The following ANKMY1 variants were observed in gnomAD, a reference collection of about 807,000 sequenced individuals.
ANKMY1 encodes ankyrin repeat and MYND domain containing 1.
ANKMY1 carries 98 observed loss-of-function variants against 102.0 expected under a neutral mutation model. That is an observed-to-expected ratio of 0.96 (90% CI 0.82 to 1.14). The LOEUF (loss-of-function observed/expected upper bound fraction) is 1.14, where lower values mean the gene tolerates loss of function less well. ANKMY1 is among the 50% of genes most tolerant of loss of function. The probability of loss-of-function intolerance (pLI) is 0.00; values close to 1 mark genes in which losing one functional copy is unlikely to be tolerated. For missense variants in ANKMY1, 1,330 were observed against 1,347.6 expected, an observed-to-expected ratio of 0.99 and a Z score of 0.20; for synonymous variants, 582 against 559.9, an observed-to-expected ratio of 1.04 and a Z score of -0.56.
intron 15 of ANKMY1, among the ~76,000 whole-genome samples, chr2:240,496,967 G>A (rs369508312): frequency 6.6e-6 from 1 of 152,186 alleles, no homozygotes; most frequent in Non-Finnish European, 1.5e-5. Context: ...GTATATAATT[G>A]CTGGCAGATT....
chr2:240,517,611 A>G (rs992276651), intron 9 of ANKMY1, among the ~76,000 whole-genome samples: 2 of 152,108 alleles, frequency 1.3e-5, no homozygotes, highest in Non-Finnish European at 2.9e-5. Flanking sequence ...GGAGTTTGAG[A>G]CCAACCTGGG....
chr2:240,538,947 GC>G (rs1256608910), intron 4 of ANKMY1, among the ~76,000 whole-genome samples: 2 of 152,192 alleles, frequency 1.3e-5, no homozygotes, highest in African/African-American at 4.8e-5. Context: ...GATTGTAAAT[GC>G]ACCAATCAGC....
chr2:240,550,639 T>G (rs1297499506), intron 4 of ANKMY1, among the ~76,000 whole-genome samples: 1 of 152,206 alleles, frequency 6.6e-6, no homozygotes, highest in Admixed American at 6.5e-5. Context: ...TTTGTTATAT[T>G]AGAATTATAC....
In ANKMY1 at chr2:240,511,949, TG is replaced by T; in HGVS notation, c.2197del (p.Gln733LysfsTer35). 6.4e-7 allele frequency: 1 copy of T among 1,569,408 alleles called. No individual in the cohort carries two copies. On this transcript the variant is annotated frameshift_variant, in exon 11 of 18. Coordinates refer to ENST00000401804, the MANE Select transcript of ANKMY1 (RefSeq NM_001282771.3). LOFTEE classifies it high-confidence loss of function. ...LKLSNEPGPPQAYYSTDTALP... is the reference protein window; with the variant it reads ...LKLSNEPGPPXAYYSTDTALP... ...GGCTGTGTCCGTGCTGTAGTAGGCT[TG>T]GGGAGGGCCTGGCTCATTGCTGAGC...
intron 2 of ANKMY1, among the ~76,000 whole-genome samples, chr2:240,556,448 G>A (rs1003672595): frequency 1.3e-5 from 2 of 152,324 alleles, no homozygotes; most frequent in Non-Finnish European, 2.9e-5. Flanking sequence ...GTTACTCTCC[G>A]ATAAGTTAAA....
At chr2:240,546,952 T>C (rs2090512042) in intron 4 of ANKMY1, among the ~76,000 whole-genome samples, 2 of 152,148 alleles carry the variant, frequency 1.3e-5, no homozygotes, top group South Asian at 4.2e-4. Flanking sequence ...GACAGATCAA[T>C]GAGACAGAAA....
rs770007422 is a variant in ANKMY1, at chr2:240,520,395, G to A, written c.1971C>T (p.His657=). 33 of 1,591,778 alleles carry A rather than the reference G, an allele frequency of 2.1e-5. No individual in the cohort carries two copies. The highest frequency in any genetic ancestry group is 3.5e-5 in the Admixed American group (2 of 56,454). Residue 657 remains histidine, a synonymous_variant, in exon 9 of 18, where the codon CAC becomes CAT. Transcript: ENST00000401804. This position sits in a 1 kb window ranked among gnomAD's most constrained non-coding sequence, Gnocchi z 4.8. ...GAAAGCAGATGTCGGTCCTCGCCCC[G>A]TGCTCCAGCAGCAGCCTCACCCCAT... is the stretch of plus-strand genomic sequence containing the variant. ...DVDGVRLLLE[H]GARTDICFPP... is the part of the protein sequence containing the mutation.
chr2:240,498,744 T>C (rs972892886), intron 15 of ANKMY1, among the ~76,000 whole-genome samples: 4 of 152,026 alleles, frequency 2.6e-5, no homozygotes, highest in Admixed American at 6.5e-5. Context: ...ATCGTGGAGA[T>C]GGATCCCTCA....
Position 240,546,238 on chromosome 2 carries a change from G to T in ANKMY1, c.480+6676C>A, listed in dbSNP as rs575808836. Reference sequence around the variant, plus strand: ...CTTAAAGAAAAGAATTTTCAACCCAGAATTTCATATCCAGCCAAACTAAGC... The same window carrying T: ...CTTAAAGAAAAGAATTTTCAACCCATAATTTCATATCCAGCCAAACTAAGC... On this transcript the variant is annotated intron_variant, in intron 4 of 17. Transcript: ENST00000401804. Among the ~76,000 whole-genome samples, 627 of 151,200 alleles carry T rather than the reference G, an allele frequency of 4.1e-3. 2 individuals carry two copies. Among genetic ancestry groups the T allele is most frequent in the African/African-American group, 0.014 (596 of 41,450 alleles).
chr2:240,547,044 T>G (rs905205678), intron 4 of ANKMY1, among the ~76,000 whole-genome samples: 10 of 152,078 alleles, frequency 6.6e-5, no homozygotes, highest in Non-Finnish European at 1.3e-4. Context: ...CCACCCCAAA[T>G]CAACAGAATA....
At chr2:240,540,101 G>A (rs181643468) in intron 4 of ANKMY1, among the ~76,000 whole-genome samples, 1 of 152,364 alleles carries the variant, frequency 6.6e-6, no homozygotes, top group African/African-American at 2.4e-5. Flanking sequence ...ACATTCCTTT[G>A]TGCTGACTCC....
At position 240,506,574 on chromosome 2, in the gene ANKMY1, C is replaced by T. The variant is rs1342979398; in HGVS notation, c.2526+986G>A. 6.6e-6 allele frequency among the ~76,000 whole-genome samples: 1 copy of T among 152,194 alleles called. No individual in the cohort carries two copies. The highest frequency in any genetic ancestry group is 1.5e-5 in the Non-Finnish European group (1 of 68,050). On this transcript the variant is annotated intron_variant, in intron 13 of 17. Transcript: ENST00000401804. The surrounding 1 kb of genome is among the most constrained non-coding windows in gnomAD (Gnocchi z 4.9). ...GCTACCCTTTTGTGACGTCAAACAA[C>T]CTTCCAGACGCCTGAGTCTCGCCCT...
rs748758852 is a variant in ANKMY1, at chr2:240,524,223, G to A, written c.1494C>T (p.His498=). 32 of 1,613,770 alleles carry A rather than the reference G, an allele frequency of 2.0e-5. No individual in the cohort carries two copies. Among genetic ancestry groups the A allele is most frequent in the East Asian group, 1.6e-4 (7 of 44,894 alleles). Residue 498 remains histidine (H), a synonymous_variant, in exon 8 of 18, where the codon CAC becomes CAT. Coordinates refer to ENST00000401804, the MANE Select transcript of ANKMY1 (RefSeq NM_001282771.3). ...CGGTGTCCTGGAAGTGGCCGCCCTCGTGGCTGCCTGAGACGCGTGGCAGGA... is the reference window on the plus strand; with the variant it reads ...CGGTGTCCTGGAAGTGGCCGCCCTCATGGCTGCCTGAGACGCGTGGCAGGA... ...PLLLPRVSGS[H]EGGHFQDTGQ...
chr2:240,527,936 T>C (rs2084252132), intron 5 of ANKMY1: 1 of 152,208 alleles, frequency 6.6e-6, no homozygotes, highest in Non-Finnish European at 1.5e-5. Flanking sequence ...TTTAGTGACA[T>C]CTGAGGTCAA....
intron 5 of ANKMY1, 134 bp from the exon 6 acceptor site, chr2:240,526,579 C>A (rs1447004406): frequency 6.8e-7 from 1 of 1,476,768 alleles, no homozygotes; most frequent in Non-Finnish European, 9.0e-7. Context: ...TCCTCAGGTA[C>A]CCTGAGTGCT....
chr2:240,494,358 T>TGG (rs2076990399), intron 15 of ANKMY1, among the ~76,000 whole-genome samples: 1 of 152,138 alleles, frequency 6.6e-6, no homozygotes, highest in Non-Finnish European at 1.5e-5. Context: ...CCACCCTGAC[T>TGG]GCATCAGCCC....
Position 240,557,203 on chromosome 2 carries a change from C to T in ANKMY1, c.133G>A (p.Val45Ile). Residue 45 changes from valine (V) to isoleucine (I), a missense_variant, in exon 2 of 18, where the codon GTC becomes ATC. Transcript: ENST00000401804. Reference sequence around the variant, plus strand: ...GGTCCCCCGCACCTTGTGGCGAAGACAGCGTAGTTCTTCAGGGACCCCGGC... The same window carrying T: ...GGTCCCCCGCACCTTGTGGCGAAGATAGCGTAGTTCTTCAGGGACCCCGGC... ...EEPGSLKNYA[V>I]FATRDVSAAP... 1 of 1,556,786 alleles carries T rather than the reference C, an allele frequency of 6.4e-7. No individual in the cohort carries two copies. The highest frequency in any genetic ancestry group is 8.7e-7 in the Non-Finnish European group (1 of 1,148,440).
downstream of ANKMY1, among the ~76,000 whole-genome samples, chr2:240,475,388 G>A (rs1340157179): frequency 6.6e-6 from 1 of 151,720 alleles, no homozygotes; most frequent in Non-Finnish European, 1.5e-5. Flanking sequence ...AGGAAATTAA[G>A]AAAACAATCC....
intron 4 of ANKMY1, among the ~76,000 whole-genome samples, chr2:240,551,967 T>C (rs2091602214): frequency 1.3e-5 from 2 of 152,242 alleles, no homozygotes; most frequent in Non-Finnish European, 2.9e-5. Flanking sequence ...TCAGAAAGTA[T>C]CAAAGAACTG....
Sources: gnomAD v4.1 joint callset for allele counts (sites outside exome capture counted in the v4.1 genomes callset) on GRCh38, gnomAD v4.1.1 for gene constraint, Gnocchi (gnomAD v3.1) non-coding constraint, MANE v1.5 for transcripts, NCBI Gene and HGNC (gene_info 2026-07-23, HGNC 2026-07-21) for gene names.